CASP6: variants seen among roughly 807,000 people sequenced by gnomAD.
CASP6 encodes the protein caspase 6.
In CASP6, 20 loss-of-function variants were observed where a neutral mutation model predicts 31.8. The observed-to-expected ratio is 0.63, with a 90% CI of 0.44 to 0.91. The LOEUF (loss-of-function observed/expected upper bound fraction) is 0.91, where lower values mean the gene tolerates loss of function less well. CASP6 is among the 40% of genes least tolerant of loss of function. The pLI, the probability that CASP6 is intolerant of heterozygous loss-of-function variation, is 0.00. For missense variants in CASP6, 328 were observed against 361.1 expected, an observed-to-expected ratio of 0.91 and a Z score of 0.74; for synonymous variants, 130 against 127.8, an observed-to-expected ratio of 1.02 and a Z score of -0.12.
the CASP6 span, among the ~76,000 whole-genome samples, chr4:109,675,745 T>G: frequency 1.9e-3 from 296 of 152,322 alleles, no homozygotes; most frequent in African/African-American, 7.0e-3. Context: ...AATGCCATTT[T>G]CACTGGAGAG....
At chr4:109,693,684 CA>C (rs1203586044) in intron 5 of CASP6, among the ~76,000 whole-genome samples, 2,316 of 70,938 alleles carry the variant, frequency 0.033, 61 homozygotes, top group African/African-American at 0.094. Context: ...GACTCCATCT[CA>C]AAAAAAAAAA....
chr4:109,703,182 C>A (rs1168980828), intron 1 of CASP6, among the ~76,000 whole-genome samples, 174 bp downstream of exon 1: 2 of 152,286 alleles, frequency 1.3e-5, no homozygotes, highest in East Asian at 3.9e-4. Context: ...AAACCGTCCC[C>A]ACCCGCCCTG....
downstream of CASP6, chr4:109,685,272 A>G (rs1256903572): frequency 1.3e-6 from 2 of 1,494,798 alleles, no homozygotes; most frequent in East Asian, 2.3e-5. Flanking sequence ...CTCAGCTGTT[A>G]AGAGTAGGCA....
rs1729938791 is a variant in CASP6, at chr4:109,689,058, C to T, written c.*272G>A. ...TGGCGCAATCTCGGCTCACCGCAGC[C>T]TCCACCTCCTGGGTTCAAGTGATTC... On this transcript the variant is annotated 3_prime_UTR_variant, in exon 7 of 7. Coordinates refer to ENST00000265164, the MANE Select transcript of CASP6 (RefSeq NM_001226.4). 1 of 294,986 alleles carries T rather than the reference C, an allele frequency of 3.4e-6. No individual in the cohort carries two copies. The highest frequency in any genetic ancestry group is 2.1e-5 in the African/African-American group (1 of 46,864). The allele number at this position is 294,986 out of a possible 1,614,324, so 18.3% of individuals were successfully genotyped here. A position where few individuals can be genotyped will look rare whatever the true frequency, so the allele number is the denominator to read the frequency against.
At chr4:109,705,992 AAAAAAAAAAAT>A (rs1386835391), upstream of CASP6, among the ~76,000 whole-genome samples, 17 of 72,706 alleles carry the variant, frequency 2.3e-4, no homozygotes, top group African/African-American at 1.1e-3. Flanking sequence ...AAAAAAAAAA[AAAAAAAAAAAT>A]ATATATATAT....
the CASP6 span, chr4:109,683,023 A>G: frequency 7.2e-6 from 2 of 277,460 alleles, no homozygotes; most frequent in Non-Finnish European, 1.3e-5. Context: ...TCCTCTCCAG[A>G]GATCAGTCAT....
At chr4:109,675,171 T>C in the CASP6 span, among the ~76,000 whole-genome samples, 1 of 152,258 alleles carries the variant, frequency 6.6e-6, no homozygotes, top group Non-Finnish European at 1.5e-5. Flanking sequence ...ACAAATGTTA[T>C]GAGTCAGTTT....
intron 4 of CASP6, among the ~76,000 whole-genome samples, chr4:109,695,195 G>A (rs183132609): frequency 1.0e-3 from 155 of 152,084 alleles, no homozygotes; most frequent in Non-Finnish European, 1.8e-3. Flanking sequence ...ACAATATACC[G>A]TACTGTATCT....
chr4:109,706,154 TATATATATATATATATACACACACAC>T (rs1730611120), upstream of CASP6, among the ~76,000 whole-genome samples: 1 of 91,026 alleles, frequency 1.1e-5, no homozygotes, highest in Admixed American at 1.1e-4. Flanking sequence ...TATATATATA[TATATATATATATATATACACACACAC>T]ATATACACAC....
intron 3 of CASP6, among the ~76,000 whole-genome samples, chr4:109,696,931 T>G (rs1311080212): frequency 2.6e-5 from 4 of 151,082 alleles, no homozygotes; most frequent in South Asian, 2.1e-4. Context: ...GACTACAGGC[T>G]CCCACCACCA....
the CASP6 span, among the ~76,000 whole-genome samples, chr4:109,666,376 C>T: frequency 6.6e-6 from 1 of 152,184 alleles, no homozygotes; most frequent in Admixed American, 6.5e-5. Flanking sequence ...AACTGTCAAG[C>T]TGTCTTCCAA....
At chr4:109,667,330 GAATT>G in the CASP6 span, among the ~76,000 whole-genome samples, 8 of 151,960 alleles carry the variant, frequency 5.3e-5, no homozygotes, top group East Asian at 1.3e-3. Context: ...ACCTTTTAGA[GAATT>G]AATCTATTTT....
At chr4:109,699,276 T>C (rs369912773) in intron 1 of CASP6, among the ~76,000 whole-genome samples, 1 of 152,174 alleles carries the variant, frequency 6.6e-6, no homozygotes, top group Non-Finnish European at 1.5e-5. Context: ...CACCCTTCAG[T>C]TGAGGAAGAA....
At chr4:109,666,822 A>G in the CASP6 span, among the ~76,000 whole-genome samples, 3 of 152,058 alleles carry the variant, frequency 2.0e-5, no homozygotes, top group Admixed American at 2.0e-4. Context: ...AATTTTGTCA[A>G]ATCTTTTTCT....
upstream of CASP6, among the ~76,000 whole-genome samples, chr4:109,706,168 T>TATATATATATATATAC (rs1438834395): frequency 6.8e-4 from 63 of 92,446 alleles, 2 homozygotes; most frequent in African/African-American, 1.3e-3. Context: ...TATATATATA[T>TATATATATATATATAC]ATACACACAC....
chr4:109,689,660 A>G, intron 6 of CASP6, 92 bp from the exon 7 acceptor site: 1 of 1,175,436 alleles, frequency 8.5e-7, no homozygotes, highest in Non-Finnish European at 1.2e-6. Flanking sequence ...AAGTTCTTAA[A>G]AATCCTTAGA....
chr4:109,703,443 C>CA lies in CASP6; in HGVS notation c.-49dup, dbSNP rs1490597974. ...CACCTTGCCCTCCTCTTCCTGAAGC[C>CA]ACAGGCTCCCGGGCCCGGCCCCGCC... On this transcript the variant is annotated 5_prime_UTR_variant, in exon 1 of 7. Transcript: ENST00000265164. The CA allele has an allele frequency of 1.9e-6, 3 of 1,598,136 alleles. No homozygotes were observed. In the African/African-American group the frequency reaches 4.0e-5, roughly 21 times the overall value.
chr4:109,693,982 C>T lies in CASP6; in HGVS notation c.483+543G>A, dbSNP rs142941595. Reference sequence around the variant, plus strand: ...TTGAACTCCTCAGGTGATCTGCCTGCCTCGGCCTCCCAAAGTGCTGGGATT... The same window carrying T: ...TTGAACTCCTCAGGTGATCTGCCTGTCTCGGCCTCCCAAAGTGCTGGGATT... On this transcript the variant is annotated intron_variant, in intron 5 of 6. Coordinates refer to ENST00000265164, the MANE Select transcript of CASP6 (RefSeq NM_001226.4). 6.1e-3 allele frequency among the ~76,000 whole-genome samples: 928 copies of T among 152,188 alleles called. 12 individuals are homozygous for T. The highest frequency in any genetic ancestry group is 0.022 in the African/African-American group (896 of 41,512).
Position 109,689,542 on chromosome 4 carries a change from T to C in CASP6, c.670A>G (p.Asn224Asp). 6.2e-7 allele frequency: 1 copy of C among 1,614,166 alleles called. No individual in the cohort carries two copies. The highest frequency in any genetic ancestry group is 8.5e-7 in the Non-Finnish European group (1 of 1,180,018). ...EGYYSHRETV[N>D]GSWYIQDLCE... Reference sequence around the variant, plus strand: ...AAATCTTGAATGTACCATGAGCCGTTCACAGTTTCCCGGTGAGAATAATAT... The same window carrying C: ...AAATCTTGAATGTACCATGAGCCGTCCACAGTTTCCCGGTGAGAATAATAT... The change falls in exon 7 of 7, where the codon AAC becomes GAC. Residue 224 changes from asparagine (N) to aspartate (D), a missense_variant. Physicochemically the swap from Asn to Asp is conservative, Grantham distance 23. Coordinates refer to ENST00000265164, the MANE Select transcript of CASP6 (RefSeq NM_001226.4).
Sources: allele counts gnomAD v4.1 joint callset (sites outside exome capture counted in the v4.1 genomes callset), GRCh38; gene constraint gnomAD v4.1.1; transcripts MANE v1.5; gene names NCBI Gene and HGNC (gene_info 2026-07-23, HGNC 2026-07-21).